The following LHFPL6 variants were observed in gnomAD, a reference collection of about 807,000 sequenced individuals.
LHFPL6 encodes the protein LHFPL tetraspan subfamily member 6.
In LHFPL6, 9 loss-of-function variants were observed where a neutral mutation model predicts 20.6. The observed-to-expected ratio is 0.44, with a 90% CI of 0.26 to 0.76. LHFPL6 has a LOEUF of 0.76. Among genes scored for constraint, LHFPL6 ranks in the 30% least tolerant of loss-of-function variants. LHFPL6 has a pLI of 0.20. For synonymous variants in LHFPL6, 105 were observed against 98.7 expected (o/e 1.06, Z -0.38); for missense variants, 218 against 253.5 (o/e 0.86, Z 0.95).
chr13:39,362,462 T>C (rs112981174), intron 3 of LHFPL6, among the ~76,000 whole-genome samples: 19,202 of 152,282 alleles, frequency 0.13, 1,224 homozygotes, highest in South Asian at 0.18. Flanking sequence ...CTTATAGCAG[T>C]GTGAGAACGG....
At chr13:39,500,616 T>A (rs556606567) in intron 2 of LHFPL6, among the ~76,000 whole-genome samples, 1 of 152,306 alleles carries the variant, frequency 6.6e-6, no homozygotes, top group East Asian at 1.9e-4. Context: ...TTCCTTATTA[T>A]GCACCTGCTG....
At chr13:39,463,180 A>G (rs963721803) in intron 2 of LHFPL6, among the ~76,000 whole-genome samples, 17 of 152,124 alleles carry the variant, frequency 1.1e-4, no homozygotes, top group African/African-American at 4.1e-4. Context: ...CAACTAGCAA[A>G]TGCTCATGGC....
At chr13:39,408,166 A>G (rs1364936120) in intron 2 of LHFPL6, among the ~76,000 whole-genome samples, 1 of 152,212 alleles carries the variant, frequency 6.6e-6, no homozygotes, top group African/African-American at 2.4e-5. Context: ...ACTATTGAAT[A>G]AGTTACTCAA....
chr13:39,433,471 T>C (rs1254614430), intron 2 of LHFPL6, among the ~76,000 whole-genome samples: 2 of 152,174 alleles, frequency 1.3e-5, no homozygotes, highest in Non-Finnish European at 2.9e-5. Flanking sequence ...ATCCATCATG[T>C]TGAGGAGTGC....
At chr13:39,359,513 A>T (rs1869822835) in intron 3 of LHFPL6, among the ~76,000 whole-genome samples, 1 of 152,212 alleles carries the variant, frequency 6.6e-6, no homozygotes, top group African/African-American at 2.4e-5. Context: ...CGTTTTCCTA[A>T]GCAAATTAAT....
chr13:39,416,264 A>C (rs9566431), intron 2 of LHFPL6, among the ~76,000 whole-genome samples: 1 of 152,056 alleles, frequency 6.6e-6, no homozygotes, highest in African/African-American at 2.4e-5. Flanking sequence ...TGATATGTTT[A>C]TCTGTTTTGT....
chr13:39,472,850 G>A (rs1219047121), intron 2 of LHFPL6, among the ~76,000 whole-genome samples: 2 of 152,052 alleles, frequency 1.3e-5, no homozygotes, highest in African/African-American at 2.4e-5. Context: ...ACCTCAGGTG[G>A]TCCACCCGCC....
intron 2 of LHFPL6, among the ~76,000 whole-genome samples, chr13:39,534,268 T>C (rs904757142): frequency 1.1e-4 from 16 of 152,204 alleles, no homozygotes; most frequent in African/African-American, 3.6e-4. Flanking sequence ...TTATGTTCTT[T>C]AGGCAAAGGA....
At position 39,599,389 on chromosome 13, in the gene LHFPL6, T is replaced by C. The variant is rs77513802; in HGVS notation, c.385+1443A>G. On this transcript the variant is annotated intron_variant, in intron 2 of 3. Transcript: ENST00000379589. ...TTAAAATTTGTAAGTTTTCAAACTC[T>C]GAATTTACATTTCCACTTTCAATGA... 6.6e-3 allele frequency among the ~76,000 whole-genome samples: 1,010 copies of C among 152,368 alleles called. 9 individuals are homozygous for C. Among genetic ancestry groups the C allele is most frequent in the African/African-American group, 0.023 (955 of 41,582 alleles).
intron 2 of LHFPL6, among the ~76,000 whole-genome samples, chr13:39,531,765 C>A (rs568332661): frequency 6.6e-6 from 1 of 152,072 alleles, no homozygotes; most frequent in Non-Finnish European, 1.5e-5. Context: ...AGAGTAAATA[C>A]CTTTTGCTGG....
intron 2 of LHFPL6, among the ~76,000 whole-genome samples, chr13:39,580,743 CAA>C (rs1021601758): frequency 2.0e-4 from 30 of 152,116 alleles, no homozygotes; most frequent in African/African-American, 6.3e-4. Context: ...CACAAAAATT[CAA>C]AGAGTTAATA....
At chr13:39,414,032 T>C (rs1042167150) in intron 2 of LHFPL6, among the ~76,000 whole-genome samples, 2 of 152,222 alleles carry the variant, frequency 1.3e-5, no homozygotes, top group African/African-American at 4.8e-5. Context: ...CATTTCATTA[T>C]GTGAATATAC....
chr13:39,352,956 TAC>T (rs2138338633), intron 3 of LHFPL6, among the ~76,000 whole-genome samples: 13 of 101,630 alleles, frequency 1.3e-4, no homozygotes, highest in Admixed American at 1.9e-4. Flanking sequence ...TATATATACA[TAC>T]ATACACACAC....
intron 2 of LHFPL6, among the ~76,000 whole-genome samples, chr13:39,415,314 A>G (rs943847044): frequency 1.3e-5 from 2 of 152,166 alleles, no homozygotes; most frequent in African/African-American, 4.8e-5. Context: ...CTTGCATACT[A>G]CTATATTGCC....
At chr13:39,538,825 A>G (rs1020646954) in intron 2 of LHFPL6, among the ~76,000 whole-genome samples, 2 of 152,180 alleles carry the variant, frequency 1.3e-5, no homozygotes, top group Admixed American at 1.3e-4. Context: ...TAGAAGTAAA[A>G]TGTAAGGATA....
chr13:39,539,165 C>T (rs1870718114), intron 2 of LHFPL6, among the ~76,000 whole-genome samples: 1 of 152,184 alleles, frequency 6.6e-6, no homozygotes. Context: ...CAGTCCTTGG[C>T]CCCAGTTAAC....
intron 2 of LHFPL6, among the ~76,000 whole-genome samples, chr13:39,394,643 T>TA (rs1008398337): frequency 1.1e-4 from 16 of 152,204 alleles, no homozygotes; most frequent in African/African-American, 3.6e-4. Context: ...GTTTCTCATA[T>TA]AAAAATGCTT....
At chr13:39,479,044 TAGATA>T (rs566920053) in intron 2 of LHFPL6, among the ~76,000 whole-genome samples, 1,842 of 148,280 alleles carry the variant, frequency 0.012, 21 homozygotes, top group Admixed American at 0.022. Context: ...TATAGATAGA[TAGATA>T]GATAGATAGA....
At chr13:39,377,239 C>T (rs1870312971) in intron 3 of LHFPL6, among the ~76,000 whole-genome samples, 1 of 152,186 alleles carries the variant, frequency 6.6e-6, no homozygotes, top group Non-Finnish European at 1.5e-5. Flanking sequence ...GGTTTACCTG[C>T]CTCTCCAAGT....
Sources: allele counts gnomAD v4.1 joint callset (sites outside exome capture counted in the v4.1 genomes callset), GRCh38; gene constraint gnomAD v4.1.1; transcripts MANE v1.5; gene names NCBI Gene and HGNC (gene_info 2026-07-23, HGNC 2026-07-21).